Variants in NAA20 observed in about 807,000 individuals in gnomAD.
NAA20 encodes the protein N-alpha-acetyltransferase 20.
NAA20 carries 24 observed loss-of-function variants against 23.8 expected under a neutral mutation model. That is an observed-to-expected ratio of 1.01 (90% CI 0.73 to 1.42). The LOEUF (loss-of-function observed/expected upper bound fraction) is 1.42, where lower values mean the gene tolerates loss of function less well. Among genes scored for constraint, NAA20 ranks in the 40% most tolerant of loss-of-function variants. The pLI is 0.00. For synonymous variants in NAA20, 83 were observed against 77.7 expected, an observed-to-expected ratio of 1.07 and a Z score of -0.36; for missense variants, 166 against 223.1, an observed-to-expected ratio of 0.74 and a Z score of 1.63.
chr20:20,021,070 T>C (rs2043264883), intron 1 of NAA20, among the ~76,000 whole-genome samples: 1 of 149,176 alleles, frequency 6.7e-6, no homozygotes, highest in Admixed American at 6.6e-5. Context: ...CAAAGACTTC[T>C]TCCTGTTTTC....
chr20:20,026,103 A>G (rs1201663639), intron 3 of NAA20, among the ~76,000 whole-genome samples: 1 of 152,170 alleles, frequency 6.6e-6, no homozygotes, highest in Admixed American at 6.5e-5. Context: ...TCAGGAGTTC[A>G]AGATCGGCCT....
intron 1 of NAA20, among the ~76,000 whole-genome samples, chr20:20,020,060 C>G (rs1221819405): frequency 6.6e-6 from 1 of 152,160 alleles, no homozygotes; most frequent in Non-Finnish European, 1.5e-5. Flanking sequence ...CTACTGTGTG[C>G]CAGTTCTAGA....
intron 1 of NAA20, among the ~76,000 whole-genome samples, chr20:20,021,993 CA>C (rs2043271540): frequency 6.6e-6 from 1 of 151,884 alleles, no homozygotes; most frequent in Non-Finnish European, 1.5e-5. Flanking sequence ...GAGTGGGGAG[CA>C]AAAACCGAGT....
chr20:20,023,116 C>T (rs1313514697), intron 2 of NAA20, among the ~76,000 whole-genome samples: 1 of 152,082 alleles, frequency 6.6e-6, no homozygotes, highest in Non-Finnish European at 1.5e-5. Flanking sequence ...AAACCCCGTC[C>T]GTCTCTAGTA....
Position 20,017,418 on chromosome 20 carries a change from A to T in NAA20, c.22A>T (p.Thr8Ser). The T allele has an allele frequency of 6.2e-7, 1 of 1,611,666 alleles. No individual in the cohort carries two copies. Among genetic ancestry groups the T allele is most frequent in the Non-Finnish European group, 8.5e-7 (1 of 1,179,388 alleles). Residue 8 changes from threonine to serine, a missense_variant, in exon 1 of 6, where the codon ACC becomes TCC. Coordinates refer to ENST00000334982, the MANE Select transcript of NAA20 (RefSeq NM_016100.5). MTTLRAF[T>S]CDDLFRFNNI... ...CGCGATGACCACGCTACGGGCCTTT[A>T]CCTGCGACGACCTGTTCCGCTTCAA...
At chr20:20,021,944 T>C (rs568507835) in intron 1 of NAA20, among the ~76,000 whole-genome samples, 40 of 151,760 alleles carry the variant, frequency 2.6e-4, no homozygotes, top group Non-Finnish European at 4.7e-4. Context: ...CACATAGGAA[T>C]GGGGATGGTG....
chr20:20,027,029 T>A (rs2043311356), intron 4 of NAA20, 110 bp downstream of exon 4: 4 of 1,377,362 alleles, frequency 2.9e-6, no homozygotes, highest in Non-Finnish European at 4.0e-6. Flanking sequence ...AATTTCATCT[T>A]CCATCTCCAG....
intron 1 of NAA20, 38 bp from the exon 2 acceptor site, chr20:20,022,418 A>G (rs1192686529): frequency 6.4e-7 from 1 of 1,572,206 alleles, no homozygotes; most frequent in Non-Finnish European, 8.6e-7. Context: ...GTTATTGTAA[A>G]CGCTGCTTAC....
intron 2 of NAA20, among the ~76,000 whole-genome samples, chr20:20,022,869 A>C (rs148992247): frequency 6.6e-6 from 1 of 152,332 alleles, no homozygotes; most frequent in African/African-American, 2.4e-5. Context: ...ACCAACAGCC[A>C]GGCTCTTTGC....
At position 20,033,310 on chromosome 20, in the gene NAA20, A is replaced by G; in HGVS notation, c.*123A>G. ...ATTTTAGGTCTTAAAGACTTCAAGA[A>G]AATACAGGTTATCAATTTATTTTAA... On this transcript the variant is annotated 3_prime_UTR_variant, in exon 6 of 6. Transcript: ENST00000334982. 1.4e-6 allele frequency: 1 copy of G among 694,136 alleles called. No individual in the cohort carries two copies. Among genetic ancestry groups the G allele is most frequent in the Non-Finnish European group, 2.4e-6 (1 of 415,220 alleles). The allele number at this position is 694,136 out of a possible 1,614,324, so 43.0% of individuals were successfully genotyped here. A position where few individuals can be genotyped will look rare whatever the true frequency, so the allele number is the denominator to read the frequency against.
At chr20:20,018,978 C>T (rs536677586) in intron 1 of NAA20, 10 of 975,084 alleles carry the variant, frequency 1.0e-5, no homozygotes, top group Non-Finnish European at 1.2e-5. Flanking sequence ...ACGCACATTC[C>T]GTTTGCGATC....
chr20:20,027,893 G>A (rs2043316991), intron 4 of NAA20, among the ~76,000 whole-genome samples: 1 of 152,060 alleles, frequency 6.6e-6, no homozygotes, highest in Admixed American at 6.6e-5. Context: ...AGCTTCACCT[G>A]TTGTCAAGCT....
At position 20,032,606 on chromosome 20, in the gene NAA20, T is replaced by C. The variant is rs375829483; in HGVS notation, c.404T>C (p.Ile135Thr). 8.1e-6 allele frequency: 13 copies of C among 1,612,080 alleles called. No individual in the cohort carries two copies. The African/African-American group carries it at 1.2e-4, about 15-fold the overall frequency. ...QLGYSVYRTVIEYYSASNGEP... is the reference protein window; with the variant it reads ...QLGYSVYRTVTEYYSASNGEP... The stretch of plus-strand genomic sequence containing the variant: ...GGCTACAGTGTATATAGGACGGTCA[T>C]AGAGTACTATTCGGCCAGCAACGGG... Residue 135 changes from isoleucine to threonine, a missense_variant, in exon 5 of 6, where the codon ATA becomes ACA. Physicochemically the swap from Ile to Thr is moderately conservative, Grantham distance 89. Transcript: ENST00000334982.
chr20:20,022,920 G>C (rs1601125540), intron 2 of NAA20, among the ~76,000 whole-genome samples: 1 of 152,178 alleles, frequency 6.6e-6, no homozygotes, highest in Non-Finnish European at 1.5e-5. Context: ...CCGTAACCTT[G>C]TTCCAGATGT....
At chr20:20,020,254 T>C (rs1787752711) in intron 1 of NAA20, among the ~76,000 whole-genome samples, 1 of 152,170 alleles carries the variant, frequency 6.6e-6, no homozygotes, top group African/African-American at 2.4e-5. Context: ...CATGTGGAAC[T>C]TAGTGTTCAG....
In NAA20 at chr20:20,030,018, G is replaced by A. The variant is rs551339282; in HGVS notation, c.306-2490G>A. 5.3e-5 allele frequency among the ~76,000 whole-genome samples: 8 copies of A among 152,182 alleles called. No homozygotes were observed. The East Asian group carries it at 5.8e-4, about 11-fold the overall frequency. On this transcript the variant is annotated intron_variant, in intron 4 of 5. Transcript: ENST00000334982. ...AATCAGTAGCCCAAAATCTTTTCAC[G>A]AAGAAAGCTGTGGCTTCTCTGGCCA...
At chr20:20,017,345 C>A (rs992318056), upstream of NAA20, 2 of 1,606,068 alleles carry the variant, frequency 1.2e-6, no homozygotes, top group Non-Finnish European at 1.7e-6. Context: ...AGACTTCCGG[C>A]AGGGCGGGCG....
chr20:20,026,447 C>G (rs2043306872), intron 3 of NAA20, among the ~76,000 whole-genome samples: 1 of 151,840 alleles, frequency 6.6e-6, no homozygotes, highest in Non-Finnish European at 1.5e-5. Flanking sequence ...TGTGTACATC[C>G]ACATGTACCC....
chr20:20,018,246 C>A, intron 1 of NAA20: 1 of 617,426 alleles, frequency 1.6e-6, no homozygotes, highest in Non-Finnish European at 2.8e-6. Flanking sequence ...ATGAAGATTC[C>A]CACACATTTA....
Sources: allele counts gnomAD v4.1 joint callset (sites outside exome capture counted in the v4.1 genomes callset), GRCh38; gene constraint gnomAD v4.1.1; transcripts MANE v1.5; gene names NCBI Gene and HGNC (gene_info 2026-07-23, HGNC 2026-07-21).